RIMS2: variants seen among roughly 807,000 people sequenced by gnomAD.
RIMS2 encodes the protein regulating synaptic membrane exocytosis 2.
RIMS2 carries 59 observed loss-of-function variants against 174.4 expected under a neutral mutation model. The ratio of observed to expected loss-of-function variants is 0.34; its 90% CI spans 0.27 to 0.42. The LOEUF is 0.42. Ranked by LOEUF, RIMS2 falls within the 10% of genes least tolerant of loss-of-function variation. The pLI is 1.00. For synonymous variants in RIMS2, 606 were observed against 572.5 expected (o/e 1.06, Z -0.84); for missense variants, 1,620 against 1,666.3 (o/e 0.97, Z 0.48).
chr8:104,002,862 A>G (rs1330897487), intron 17 of RIMS2, among the ~76,000 whole-genome samples: 2 of 152,128 alleles, frequency 1.3e-5, no homozygotes. Context: ...CTTTTTTTAT[A>G]TTACTTCAAG....
At chr8:104,021,586 G>C (rs72683149) in intron 19 of RIMS2, among the ~76,000 whole-genome samples, 19,482 of 152,144 alleles carry the variant, frequency 0.13, 1,701 homozygotes, top group Non-Finnish European at 0.19. Flanking sequence ...CTTTTCACAT[G>C]AACTCACTAG....
intron 3 of RIMS2, among the ~76,000 whole-genome samples, chr8:103,850,771 A>G (rs974249660): frequency 2.0e-5 from 3 of 152,078 alleles, no homozygotes; most frequent in Non-Finnish European, 4.4e-5. Flanking sequence ...AATGTGAATG[A>G]CTGAAATGTA....
intron 19 of RIMS2, among the ~76,000 whole-genome samples, chr8:104,146,086 C>T (rs1335741649): frequency 1.3e-5 from 2 of 150,830 alleles, no homozygotes; most frequent in Non-Finnish European, 3.0e-5. Flanking sequence ...CCTTTTGGGC[C>T]AGGCTCGGTG....
intron 19 of RIMS2, among the ~76,000 whole-genome samples, chr8:104,112,515 A>G (rs1159408559): frequency 6.6e-6 from 1 of 152,098 alleles, no homozygotes; most frequent in African/African-American, 2.4e-5. Flanking sequence ...GTTAACCGTA[A>G]ACTTGAGAGA....
intron 2 of RIMS2, among the ~76,000 whole-genome samples, chr8:103,739,462 G>T (rs554986535): frequency 6.3e-4 from 96 of 152,238 alleles, no homozygotes; most frequent in African/African-American, 2.2e-3. Context: ...ACACCAACAT[G>T]GCACATGTAT....
At chr8:103,522,237 A>C (rs4641028) in intron 1 of RIMS2, among the ~76,000 whole-genome samples, 10 of 151,854 alleles carry the variant, frequency 6.6e-5, no homozygotes, top group Admixed American at 6.6e-4. Context: ...TTAAGATTTC[A>C]GTAAGGGTTT....
intron 9 of RIMS2, among the ~76,000 whole-genome samples, chr8:103,918,836 A>C (rs916538392): frequency 6.6e-5 from 10 of 152,196 alleles, no homozygotes; most frequent in Admixed American, 2.6e-4. Flanking sequence ...GAATATATTC[A>C]CTACTCCCAA....
At chr8:103,606,263 G>A (rs1284892272) in intron 1 of RIMS2, among the ~76,000 whole-genome samples, 2 of 147,912 alleles carry the variant, frequency 1.4e-5, no homozygotes, top group African/African-American at 2.5e-5. Context: ...TATGTACCCA[G>A]TAGTCATTCA....
intron 9 of RIMS2, among the ~76,000 whole-genome samples, chr8:103,918,927 G>A (rs970705195): frequency 9.9e-5 from 15 of 152,098 alleles, no homozygotes; most frequent in African/African-American, 3.6e-4. Flanking sequence ...GAAATGCTTG[G>A]AATAAACTAG....
chr8:103,518,735 T>C (rs1381966779), intron 1 of RIMS2, among the ~76,000 whole-genome samples: 2 of 152,182 alleles, frequency 1.3e-5, no homozygotes, highest in African/African-American at 2.4e-5. Context: ...TGTTATGATA[T>C]GTTAACAAGT....
chr8:103,662,909 G>A (rs1377465822), intron 1 of RIMS2, among the ~76,000 whole-genome samples: 4 of 152,218 alleles, frequency 2.6e-5, no homozygotes, highest in South Asian at 2.1e-4. Flanking sequence ...AGTTGCTCAC[G>A]CCTGTAATCC....
At chr8:103,558,426 G>GT (rs1225486532) in intron 1 of RIMS2, among the ~76,000 whole-genome samples, 4 of 152,150 alleles carry the variant, frequency 2.6e-5, no homozygotes, top group Non-Finnish European at 4.4e-5. Flanking sequence ...GTTTTGCCAT[G>GT]TTGGCCAGGG....
chr8:103,883,117 T>A lies in RIMS2; in HGVS notation c.699-2181T>A, dbSNP rs533694682. 3.3e-5 allele frequency among the ~76,000 whole-genome samples: 5 copies of A among 151,848 alleles called. No individual in the cohort carries two copies. The South Asian group carries it at 8.3e-4, about 25-fold the overall frequency. ...CACCCTCTTAAGAACAAGGAAGGTG[T>A]CTTAATCATTTCTGCATTCCTAATT... On this transcript the variant is annotated intron_variant, in intron 3 of 23. Transcript: ENST00000504942.
chr8:103,589,182 A>G (rs2094126844), intron 1 of RIMS2, among the ~76,000 whole-genome samples: 1 of 151,642 alleles, frequency 6.6e-6, no homozygotes, highest in African/African-American at 2.4e-5. Flanking sequence ...AACTATTAGA[A>G]CTGATAAGGG....
intron 1 of RIMS2, among the ~76,000 whole-genome samples, chr8:103,646,434 TC>T (rs1390508735): frequency 1.3e-5 from 2 of 152,150 alleles, no homozygotes; most frequent in Admixed American, 6.6e-5. Flanking sequence ...TGTTCAGGTT[TC>T]TTACATAGGC....
intron 19 of RIMS2, among the ~76,000 whole-genome samples, chr8:104,032,252 A>G (rs1442466739): frequency 1.3e-5 from 2 of 152,122 alleles, no homozygotes; most frequent in East Asian, 1.9e-4. Context: ...GAGATAAAAA[A>G]TATCACCAAC....
Position 103,884,690 on chromosome 8 carries a change from A to G in RIMS2, c.699-608A>G, listed in dbSNP as rs191332844. Among the ~76,000 whole-genome samples the G allele has an allele frequency of 1.2e-4, 18 of 151,970 alleles. No homozygotes were observed. The East Asian group carries it at 3.5e-3, about 30-fold the overall frequency. ...TTTTTGTAATGAATAAATCATTATT[A>G]TTTGTCTATTTTTATTGCTTATCTC... On this transcript the variant is annotated intron_variant, in intron 3 of 23. Transcript: ENST00000504942.
At chr8:104,079,489 C>T (rs951778021) in intron 19 of RIMS2, among the ~76,000 whole-genome samples, 1 of 150,654 alleles carries the variant, frequency 6.6e-6, no homozygotes, top group Non-Finnish European at 1.5e-5. Flanking sequence ...GGAAAGGTCT[C>T]GCTTTATAAA....
At chr8:104,215,576 G>A (rs148057242) in intron 19 of RIMS2, among the ~76,000 whole-genome samples, 6 of 152,268 alleles carry the variant, frequency 3.9e-5, no homozygotes, top group Non-Finnish European at 8.8e-5. Flanking sequence ...AAATCTCAAA[G>A]TGCTGTTCAT....
Sources: allele counts gnomAD v4.1 joint callset (sites outside exome capture counted in the v4.1 genomes callset), GRCh38; gene constraint gnomAD v4.1.1; transcripts MANE v1.5; gene names NCBI Gene and HGNC (gene_info 2026-07-23, HGNC 2026-07-21).